The following SELP variants were observed in gnomAD, a reference collection of about 807,000 sequenced individuals.
The protein encoded by SELP is selectin P, also known as P-selectin.
SELP carries 92 observed loss-of-function variants against 104.1 expected under a neutral mutation model. The observed-to-expected ratio is 0.88, with a 90% CI of 0.75 to 1.05. The LOEUF (loss-of-function observed/expected upper bound fraction) is 1.05, where lower values mean the gene tolerates loss of function less well. Among genes scored for constraint, SELP ranks in the 50% least tolerant of loss-of-function variants. SELP has a pLI of 0.00. For synonymous variants in SELP, 397 were observed against 364.5 expected (o/e 1.09, Z -1.01); for missense variants, 1,022 against 1,017.3 (o/e 1.00, Z -0.06).
At chr1:169,607,242 CTTGT>C (rs1662249907) in intron 8 of SELP, 108 bp from the exon 9 acceptor site, 7 of 874,266 alleles carry the variant, frequency 8.0e-6, no homozygotes, top group Non-Finnish European at 1.1e-5. Context: ...CTGAATTGGG[CTTGT>C]TTAACATAGA....
chr1:169,617,593 C>T (rs1662886468), intron 2 of SELP, among the ~76,000 whole-genome samples, 179 bp from the exon 3 acceptor site: 2 of 152,136 alleles, frequency 1.3e-5, no homozygotes, highest in Non-Finnish European at 2.9e-5. Flanking sequence ...CCACCTTTCA[C>T]TTAAAAGTGT....
chr1:169,627,856 T>G (rs1050801725), intron 1 of SELP, among the ~76,000 whole-genome samples: 1 of 152,222 alleles, frequency 6.6e-6, no homozygotes, highest in African/African-American at 2.4e-5. Flanking sequence ...AAGGTATAAA[T>G]GGACGAAAAT....
At position 169,590,138 on chromosome 1, in the gene SELP, G is replaced by T. The variant is rs1412629257; in HGVS notation, c.*1+9C>A. 1.3e-6 allele frequency: 2 copies of T among 1,591,802 alleles called. No individual in the cohort carries two copies. Among genetic ancestry groups the T allele is most frequent in the Non-Finnish European group, 1.7e-6 (2 of 1,160,152 alleles). On this transcript the variant is annotated intron_variant, in intron 16 of 16. Transcript: ENST00000263686. The stretch of plus-strand genomic sequence containing the variant: ...ATTTCCTTCAAAAATATCTTTATAG[G>T]GATCTTACCTTAAGGACTCGGGTCA...
chr1:169,610,331 G>A (rs1033257085), intron 7 of SELP, among the ~76,000 whole-genome samples: 12 of 152,262 alleles, frequency 7.9e-5, no homozygotes, highest in Middle Eastern at 3.4e-3. Flanking sequence ...GTGAATTCCT[G>A]AGCACAATTA....
chr1:169,599,120 A>G (rs911990623), intron 10 of SELP, among the ~76,000 whole-genome samples: 2 of 152,150 alleles, frequency 1.3e-5, no homozygotes, highest in South Asian at 2.1e-4. Flanking sequence ...TGGATCATGT[A>G]AAGAAGTGGG....
chr1:169,627,185 A>G (rs1257212635), intron 1 of SELP, among the ~76,000 whole-genome samples: 1 of 152,216 alleles, frequency 6.6e-6, no homozygotes, highest in Non-Finnish European at 1.5e-5. Context: ...GTTACAAGCT[A>G]TTACAGCTAA....
intron 1 of SELP, among the ~76,000 whole-genome samples, chr1:169,622,910 T>C (rs1048534082): frequency 1.6e-4 from 25 of 152,344 alleles, no homozygotes; most frequent in African/African-American, 5.8e-4. Context: ...TTGCAGATCA[T>C]GCTAGTACTT....
chr1:169,593,896 T>G (rs1286980159), intron 13 of SELP, among the ~76,000 whole-genome samples, 172 bp from the exon 14 acceptor site: 1 of 152,146 alleles, frequency 6.6e-6, no homozygotes, highest in Non-Finnish European at 1.5e-5. Context: ...AATTCATAAA[T>G]CCACTGCAAC....
At chr1:169,628,730 G>C (rs3917661) in intron 1 of SELP, among the ~76,000 whole-genome samples, 3,124 of 152,292 alleles carry the variant, frequency 0.021, 114 homozygotes, top group African/African-American at 0.071. Flanking sequence ...TTGAAATAGA[G>C]GAGGATGCCA....
At chr1:169,607,175 A>G in intron 8 of SELP, 41 bp from the exon 9 acceptor site, 6 of 1,457,324 alleles carry the variant, frequency 4.1e-6, no homozygotes, top group Non-Finnish European at 5.5e-6. Context: ...ACAGTAATAC[A>G]CATGTACTCA....
intron 1 of SELP, among the ~76,000 whole-genome samples, chr1:169,623,928 A>G (rs1663253868): frequency 6.6e-6 from 1 of 152,200 alleles, no homozygotes; most frequent in South Asian, 2.1e-4. Flanking sequence ...AGTTATTCTT[A>G]TTCTTCCAGG....
Position 169,593,640 on chromosome 1 carries a change from A to G in SELP, c.2372T>C (p.Leu791Pro). ...STIGLIMGGT[L>P]LALLRKRFRQ... ...GAAACGCTTTCTTAGCAAAGCCAGG[A>G]GCGTCCCACCCATTATCAGACCTAT... is the stretch of plus-strand genomic sequence containing the variant. The change falls in exon 14 of 17, where the codon CTC becomes CCC. Residue 791 changes from leucine (L) to proline (P), a missense_variant. Transcript: ENST00000263686. 5 of 1,613,512 alleles carry G rather than the reference A, an allele frequency of 3.1e-6. No individual in the cohort carries two copies. Among genetic ancestry groups the G allele is most frequent in the East Asian group, 2.2e-5 (1 of 44,872 alleles).
chr1:169,616,276 C>T (rs1227312637), intron 3 of SELP, among the ~76,000 whole-genome samples: 1 of 152,100 alleles, frequency 6.6e-6, no homozygotes, highest in Non-Finnish European at 1.5e-5. Context: ...ATTTACAATC[C>T]TTGGTTATAT....
chr1:169,618,529 C>A (rs970679712), intron 2 of SELP, among the ~76,000 whole-genome samples: 1 of 152,188 alleles, frequency 6.6e-6, no homozygotes, highest in Non-Finnish European at 1.5e-5. Context: ...AGCAAGCAAT[C>A]AGGCCTGGAA....
At chr1:169,598,674 A>AT (rs1661748809) in intron 10 of SELP, among the ~76,000 whole-genome samples, 2 of 152,204 alleles carry the variant, frequency 1.3e-5, no homozygotes, top group African/African-American at 4.8e-5. Flanking sequence ...CTTTTTCATA[A>AT]TCTCCCAGAA....
At chr1:169,629,929 C>A in intron 1 of SELP, 143 bp downstream of exon 1, 1 of 1,049,514 alleles carries the variant, frequency 9.5e-7, no homozygotes. Context: ...TTTAAAAGTA[C>A]TCACAAAATC....
chr1:169,626,237 G>A (rs112578786), intron 1 of SELP, among the ~76,000 whole-genome samples: 1 of 152,252 alleles, frequency 6.6e-6, no homozygotes, highest in Non-Finnish European at 1.5e-5. Flanking sequence ...AGATCACATC[G>A]GGCTTTGGGA....
At chr1:169,624,140 G>A (rs1024776916) in intron 1 of SELP, among the ~76,000 whole-genome samples, 1 of 152,190 alleles carries the variant, frequency 6.6e-6, no homozygotes, top group Non-Finnish European at 1.5e-5. Flanking sequence ...AATGGATGAT[G>A]TTTAAAAATC....
In SELP at chr1:169,616,074, G is replaced by A. The variant is rs150978457; in HGVS notation, c.481+954C>T. Among the ~76,000 whole-genome samples the A allele has an allele frequency of 2.9e-3, 434 of 152,228 alleles. 1 individual carries two copies. The highest frequency in any genetic ancestry group is 4.6e-3 in the Admixed American group (71 of 15,288). ...AGGAATCAGCTCTGACACTAGGCTCGTGACTAGAGGAAGACCAAGCTTTCA... is the reference window on the plus strand; with the variant it reads ...AGGAATCAGCTCTGACACTAGGCTCATGACTAGAGGAAGACCAAGCTTTCA... On this transcript the variant is annotated intron_variant, in intron 3 of 16. Coordinates refer to ENST00000263686, the MANE Select transcript of SELP (RefSeq NM_003005.4).
Sources: gnomAD v4.1 joint callset for allele counts (sites outside exome capture counted in the v4.1 genomes callset) on GRCh38, gnomAD v4.1.1 for gene constraint, MANE v1.5 for transcripts, NCBI Gene and HGNC (gene_info 2026-07-23, HGNC 2026-07-21) for gene names.